Variants in TJP1 observed in about 807,000 individuals in gnomAD.
The protein encoded by TJP1 is tight junction protein 1, also known as tight junction protein ZO-1.
In TJP1, 43 loss-of-function variants were observed where a neutral mutation model predicts 194.2. That is an observed-to-expected ratio of 0.22 (90% CI 0.17 to 0.29). The LOEUF (loss-of-function observed/expected upper bound fraction) is 0.29. Ranked by LOEUF, TJP1 falls within the 10% of genes least tolerant of loss-of-function variation. The pLI, the probability that TJP1 is intolerant of heterozygous loss-of-function variation, is 1.00. For missense variants in TJP1, 1,971 were observed against 2,185.7 expected (o/e 0.90, Z 1.96); for synonymous variants, 801 against 779.0 (o/e 1.03, Z -0.47).
In TJP1 at chr15:29,737,433, C is replaced by T. The variant is rs1432916291; in HGVS notation, c.1257-19G>A. 1 of 1,613,972 alleles carries T rather than the reference C, an allele frequency of 6.2e-7. No individual in the cohort carries two copies. The highest frequency in any genetic ancestry group is 8.5e-7 in the Non-Finnish European group (1 of 1,179,918). ...GCTGGGCCTGTTAAAACAGATATTT[C>T]ATTTGAAACAGTTAAGAAGAGCTTA... On this transcript the variant is annotated intron_variant, in intron 10 of 27. Coordinates refer to ENST00000614355, the MANE Select transcript of TJP1 (RefSeq NM_001330239.4).
intron 1 of TJP1, among the ~76,000 whole-genome samples, chr15:29,967,896 A>G (rs1412395137): frequency 1.3e-5 from 2 of 152,206 alleles, no homozygotes; most frequent in African/African-American, 2.4e-5. Context: ...TTCTGTAGTC[A>G]TCTTCCCTTT....
upstream of TJP1, among the ~76,000 whole-genome samples, chr15:29,824,236 G>C (rs1181701235): frequency 1.3e-5 from 2 of 151,718 alleles, no homozygotes; most frequent in Non-Finnish European, 2.9e-5. Flanking sequence ...TTGAGGTCAG[G>C]AGTTCGAAAC....
intron 2 of TJP1, among the ~76,000 whole-genome samples, chr15:29,873,750 G>T (rs188475028): frequency 1.3e-5 from 2 of 152,266 alleles, no homozygotes; most frequent in East Asian, 3.9e-4. Context: ...TTTCTTAGGG[G>T]AGACTTGAGA....
At chr15:29,869,274 A>C (rs2052411472) in intron 2 of TJP1, among the ~76,000 whole-genome samples, 1 of 152,320 alleles carries the variant, frequency 6.6e-6, no homozygotes, top group South Asian at 2.1e-4. Context: ...AACAAACAAC[A>C]AACAGGAAAA....
chr15:29,716,579 C>T (rs2042577014), intron 23 of TJP1, 32 bp downstream of exon 23: 1 of 1,498,698 alleles, frequency 6.7e-7, no homozygotes, highest in Non-Finnish European at 9.3e-7. Context: ...TATGCTGCAT[C>T]CTATTTTTAA....
intron 2 of TJP1, among the ~76,000 whole-genome samples, chr15:29,833,131 C>T (rs1444328847): frequency 6.7e-6 from 1 of 150,090 alleles, no homozygotes. Context: ...TAGAGTGCCA[C>T]AAAAAAAAAG....
At chr15:29,811,934 GTAAA>G (rs2151951315) in intron 1 of TJP1, among the ~76,000 whole-genome samples, 1 of 152,278 alleles carries the variant, frequency 6.6e-6, no homozygotes, top group African/African-American at 2.4e-5. Context: ...AAATAAACAA[GTAAA>G]TAAATAAAAT....
intron 2 of TJP1, among the ~76,000 whole-genome samples, chr15:29,874,872 C>A (rs1288061354): frequency 1.3e-5 from 2 of 152,114 alleles, no homozygotes; most frequent in Admixed American, 6.5e-5. Flanking sequence ...CATGCACGTA[C>A]ATAAAGTAGG....
chr15:29,960,594 C>A (rs2056118038), intron 1 of TJP1, among the ~76,000 whole-genome samples: 1 of 149,710 alleles, frequency 6.7e-6, no homozygotes, highest in Non-Finnish European at 1.5e-5. Context: ...GGTGATCATA[C>A]CACTGCACTC....
At position 29,746,220 on chromosome 15, in the gene TJP1, C is replaced by CA. The variant is rs45599033; in HGVS notation, c.1011-3440dup. 7.8e-3 allele frequency among the ~76,000 whole-genome samples: 1,178 copies of CA among 151,380 alleles called. 16 individuals are homozygous for CA. Among genetic ancestry groups the CA allele is most frequent in the African/African-American group, 0.027 (1,127 of 41,354 alleles). ...TGAAACCCTGTCTCTACTAAAAATACAAAAAAAATTGGCTGGGCGTGGTGG... is the reference window on the plus strand; with the variant it reads ...TGAAACCCTGTCTCTACTAAAAATACAAAAAAAAATTGGCTGGGCGTGGTGG... On this transcript the variant is annotated intron_variant, in intron 8 of 27. Coordinates refer to ENST00000614355, the MANE Select transcript of TJP1 (RefSeq NM_001330239.4).
At chr15:29,759,539 C>A (rs1362953731) in intron 8 of TJP1, 1 of 152,180 alleles carries the variant, frequency 6.6e-6, no homozygotes, top group Non-Finnish European at 1.5e-5. Context: ...GTTATTAACT[C>A]TTGTCACTAC....
Position 29,741,341 on chromosome 15 carries a change from C to T in TJP1, c.1246G>A (p.Gly416Arg), listed in dbSNP as rs1358710177. 2 of 1,587,256 alleles carry T rather than the reference C, an allele frequency of 1.3e-6. No individual in the cohort carries two copies. Among genetic ancestry groups the T allele is most frequent in the Non-Finnish European group, 1.7e-6 (2 of 1,171,204 alleles). The change falls in exon 10 of 28, where the codon GGG becomes AGG. Residue 416 changes from glycine (G) to arginine (R), a missense_variant. Around this residue, in one of 5 missense-constraint regions of TJP1, gnomAD observed 192 missense variants for 182.3 expected, o/e 1.05. Transcript: ENST00000614355. ...TTAAAATTGTATTACCGAAGAATCC[C>T]ATCTTCATGAGTTGAATTAGGTAGG... ...GVLPNSTHED[G>R]ILRPSMKLVK...
At chr15:29,825,098 A>T (rs1347949908), upstream of TJP1, among the ~76,000 whole-genome samples, 1 of 152,186 alleles carries the variant, frequency 6.6e-6, no homozygotes, top group African/African-American at 2.4e-5. Flanking sequence ...TAAAGGTAAA[A>T]CTGTTGCCAA....
chr15:29,756,985 A>G (rs1025859544), intron 8 of TJP1, among the ~76,000 whole-genome samples: 2 of 152,218 alleles, frequency 1.3e-5, no homozygotes, highest in Non-Finnish European at 2.9e-5. Context: ...CACCATAATA[A>G]TTACAGTAGC....
chr15:29,701,737 A>G (rs1408888735), intron 27 of TJP1, 48 bp from the exon 28 acceptor site: 17 of 1,408,412 alleles, frequency 1.2e-5, no homozygotes, highest in Non-Finnish European at 1.6e-5. Flanking sequence ...GTAAACTGCT[A>G]TCCGTAATGC....
At chr15:29,759,943 C>T (rs370311924) in intron 8 of TJP1, 1 of 424,972 alleles carries the variant, frequency 2.4e-6, no homozygotes, top group Non-Finnish European at 4.2e-6. Flanking sequence ...GATATCTCTT[C>T]GAGACAGTGA....
rs1309924716 is a variant in TJP1, at chr15:29,820,491, C to G, written c.27+1511G>C. On this transcript the variant is annotated intron_variant, in intron 1 of 27. Transcript: ENST00000614355. ...ATGCTTTTCAATATGCCATACAAATCTCAATACTATAATTCAGGAGAAGTA... is the reference window on the plus strand; with the variant it reads ...ATGCTTTTCAATATGCCATACAAATGTCAATACTATAATTCAGGAGAAGTA... The G allele has an allele frequency of 7.0e-6, 5 of 715,878 alleles. No homozygotes were observed. In the Admixed American group the frequency reaches 1.0e-4, roughly 14 times the overall value. The allele number at this position is 715,878 out of a possible 1,614,324, so 44.3% of individuals were successfully genotyped here.
intron 1 of TJP1, among the ~76,000 whole-genome samples, chr15:29,966,708 C>T (rs1358556232): frequency 3.3e-5 from 5 of 152,038 alleles, no homozygotes; most frequent in Admixed American, 3.3e-4. Context: ...AGCCCTCCCT[C>T]ATGCAACTTA....
chr15:29,935,875 C>T (rs901216869), intron 2 of TJP1, among the ~76,000 whole-genome samples: 1 of 152,122 alleles, frequency 6.6e-6, no homozygotes, highest in Admixed American at 6.5e-5. Context: ...CCACTGCCAC[C>T]CCCAGGCAGA....
Sources: gnomAD v4.1 joint callset for allele counts (sites outside exome capture counted in the v4.1 genomes callset) on GRCh38, gnomAD v4.1.1 for gene constraint, gnomAD v4.1.1 regional missense constraint, MANE v1.5 for transcripts, NCBI Gene and HGNC (gene_info 2026-07-23, HGNC 2026-07-21) for gene names.